The following CRLF3 variants were observed in gnomAD, a reference collection of about 807,000 sequenced individuals.
CRLF3 encodes the protein cytokine receptor like factor 3, also known as cytokine receptor-like factor 3.
CRLF3 carries 33 observed loss-of-function variants against 55.0 expected under a neutral mutation model. The observed-to-expected ratio is 0.60, with a 90% CI of 0.46 to 0.80. CRLF3 has a LOEUF of 0.80. Ranked by LOEUF, CRLF3 falls within the 30% of genes least tolerant of loss-of-function variation. The pLI is 0.00. For missense variants in CRLF3, 494 were observed against 538.4 expected (o/e 0.92, Z 0.82); for synonymous variants, 238 against 196.8 (o/e 1.21, Z -1.75).
intron 6 of CRLF3, 96 bp from the exon 7 acceptor site, chr17:30,786,127 A>G (rs1971641934): frequency 6.9e-6 from 5 of 724,752 alleles, no homozygotes; most frequent in South Asian, 4.9e-5. Flanking sequence ...TCTCACCACA[A>G]TTGTTTTTTT....
chr17:30,823,572 A>G (rs1905057500), intron 1 of CRLF3, among the ~76,000 whole-genome samples: 1 of 151,200 alleles, frequency 6.6e-6, no homozygotes, highest in Admixed American at 6.7e-5. Flanking sequence ...ACCCAGAGAA[A>G]TTCAGATGGA....
At chr17:30,805,321 G>A (rs1418087507) in intron 1 of CRLF3, among the ~76,000 whole-genome samples, 1 of 152,140 alleles carries the variant, frequency 6.6e-6, no homozygotes, top group African/African-American at 2.4e-5. Flanking sequence ...TCTATACAAA[G>A]TTGTTCTTGA....
intron 1 of CRLF3, among the ~76,000 whole-genome samples, chr17:30,816,560 G>A (rs1904813194): frequency 6.7e-6 from 1 of 148,180 alleles, no homozygotes; most frequent in Admixed American, 6.9e-5. Context: ...TGTGATCATG[G>A]CTTACTGCAC....
intron 7 of CRLF3, among the ~76,000 whole-genome samples, 188 bp downstream of exon 7, chr17:30,785,731 A>G: frequency 6.6e-6 from 1 of 151,848 alleles, no homozygotes; most frequent in Non-Finnish European, 1.5e-5. Context: ...GCAGCGGGCT[A>G]CGATCATGCC....
At chr17:30,793,252 A>AT (rs58658760) in intron 5 of CRLF3, among the ~76,000 whole-genome samples, 198 bp downstream of exon 5, 34,234 of 151,854 alleles carry the variant, frequency 0.23, 5,545 homozygotes, top group African/African-American at 0.46. Context: ...CTTGTCCAGC[A>AT]TTTTTTTTGG....
intron 1 of CRLF3, among the ~76,000 whole-genome samples, chr17:30,812,067 G>T (rs1040206440): frequency 6.6e-6 from 1 of 151,638 alleles, no homozygotes; most frequent in Non-Finnish European, 1.5e-5. Context: ...CTGAGATTGC[G>T]CCAGTGCACT....
At chr17:30,814,792 G>A (rs571152327) in intron 1 of CRLF3, among the ~76,000 whole-genome samples, 15 of 152,062 alleles carry the variant, frequency 9.9e-5, no homozygotes, top group African/African-American at 2.2e-4. Context: ...ACCTGAGGTC[G>A]GGAGTTTGAG....
At chr17:30,815,617 C>T (rs1212406633) in intron 1 of CRLF3, among the ~76,000 whole-genome samples, 2 of 148,676 alleles carry the variant, frequency 1.3e-5, no homozygotes, top group African/African-American at 2.5e-5. Context: ...AATCTCGGCT[C>T]ACTGCAACCT....
rs58852260 is a variant in CRLF3, at chr17:30,805,713, C to CAA, written c.130-1607_130-1606dup. 9.2e-3 allele frequency among the ~76,000 whole-genome samples: 652 copies of CAA among 70,870 alleles called. 7 individuals carry two copies. The highest frequency in any genetic ancestry group is 0.028 in the African/African-American group (532 of 19,114). 46.5% of individuals were successfully genotyped at this position (70,870 alleles called of 152,430 possible). A position where few individuals can be genotyped will look rare whatever the true frequency, so the allele number is the denominator to read the frequency against. ...TGGGCAACAGAGTGAGACTCCGTCT[C>CAA]AAAAAAAAAAAAAAAAAAGCAAGCC... On this transcript the variant is annotated intron_variant, in intron 1 of 7. Transcript: ENST00000324238.
At chr17:30,821,111 G>C (rs1904983405) in intron 1 of CRLF3, among the ~76,000 whole-genome samples, 1 of 150,522 alleles carries the variant, frequency 6.6e-6, no homozygotes, top group Non-Finnish European at 1.5e-5. Flanking sequence ...AACACTTTGG[G>C]AGGCCAAAGT....
chr17:30,814,226 C>T (rs1904711967), intron 1 of CRLF3, among the ~76,000 whole-genome samples: 2 of 152,034 alleles, frequency 1.3e-5, no homozygotes, highest in Admixed American at 6.6e-5. Flanking sequence ...CACTGCACTC[C>T]AGCCTGGGTG....
chr17:30,810,486 C>T (rs1904578509), intron 1 of CRLF3, among the ~76,000 whole-genome samples: 1 of 152,104 alleles, frequency 6.6e-6, no homozygotes, highest in Non-Finnish European at 1.5e-5. Context: ...CACTTGAACC[C>T]GGGAAGCGGA....
intron 7 of CRLF3, chr17:30,785,132 C>G (rs1971610887): frequency 7.3e-6 from 1 of 137,200 alleles, no homozygotes; most frequent in Non-Finnish European, 1.5e-5. Context: ...ACACTGTTAC[C>G]TGGCATGATC....
At chr17:30,823,079 ACCCG>A (rs1905042270) in intron 1 of CRLF3, among the ~76,000 whole-genome samples, 2 of 151,344 alleles carry the variant, frequency 1.3e-5, no homozygotes, top group Middle Eastern at 3.4e-3. Flanking sequence ...AATATATAAA[ACCCG>A]GCCGGGCGCG....
chr17:30,797,706 G>C (rs1231437331), intron 2 of CRLF3, among the ~76,000 whole-genome samples: 2 of 151,440 alleles, frequency 1.3e-5, no homozygotes, highest in African/African-American at 4.9e-5. Flanking sequence ...CTCTCCTACA[G>C]AATCATTATG....
chr17:30,818,578 C>T (rs1281908471), intron 1 of CRLF3, among the ~76,000 whole-genome samples: 1 of 149,932 alleles, frequency 6.7e-6, no homozygotes, highest in Non-Finnish European at 1.5e-5. Flanking sequence ...CTCAGCCTCC[C>T]GAGTAGCTAA....
intron 7 of CRLF3, 98 bp from the exon 8 acceptor site, chr17:30,784,541 C>G: frequency 8.9e-7 from 1 of 1,123,550 alleles, no homozygotes; most frequent in Non-Finnish European, 1.3e-6. Flanking sequence ...TTTCCTAATT[C>G]AGATTTTAAA....
chr17:30,792,630 A>T, intron 5 of CRLF3, 58 bp from the exon 6 acceptor site: 6 of 1,480,518 alleles, frequency 4.1e-6, no homozygotes, highest in Admixed American at 3.5e-5. Context: ...TATCTTCAAT[A>T]CAGACACGTT....
chr17:30,808,412 T>G (rs962227572), intron 1 of CRLF3, among the ~76,000 whole-genome samples: 1 of 145,574 alleles, frequency 6.9e-6, no homozygotes, highest in African/African-American at 2.6e-5. Context: ...CTCAGCCTCC[T>G]GAGTAGCTGG....
Sources: gnomAD v4.1 joint callset for allele counts (sites outside exome capture counted in the v4.1 genomes callset) on GRCh38, gnomAD v4.1.1 for gene constraint, MANE v1.5 for transcripts, NCBI Gene and HGNC (gene_info 2026-07-23, HGNC 2026-07-21) for gene names.